The following MAX variants were observed in gnomAD, a reference collection of about 807,000 sequenced individuals.
The protein encoded by MAX is protein max.
Under a neutral mutation model 22.3 loss-of-function variants are expected in MAX, and 3 were observed. The observed-to-expected ratio is 0.13, with a 90% CI of 0.06 to 0.35. MAX has a LOEUF of 0.35. Ranked by LOEUF, MAX falls within the 10% of genes least tolerant of loss-of-function variation. The pLI is 1.00. For missense variants in MAX, 119 were observed against 209.4 expected (o/e 0.57, Z 2.66); for synonymous variants, 72 against 77.7 (o/e 0.93, Z 0.39).
chr14:65,068,436 AAAC>A (rs754272435), intron 3 of MAX, among the ~76,000 whole-genome samples: 1 of 152,178 alleles, frequency 6.6e-6, no homozygotes, highest in South Asian at 2.1e-4. Flanking sequence ...CTCTGTCTCA[AAAC>A]AACAAACAGA....
downstream of MAX, among the ~76,000 whole-genome samples, chr14:65,072,557 T>G (rs1178309537): frequency 6.6e-6 from 1 of 152,092 alleles, no homozygotes; most frequent in Non-Finnish European, 1.5e-5. Flanking sequence ...CAAACCTGAG[T>G]GACTTGAGGA....
chr14:65,083,677 G>A, intron 3 of MAX: 17 of 1,003,208 alleles, frequency 1.7e-5, no homozygotes, highest in Non-Finnish European at 2.0e-5. Flanking sequence ...TGATGTTACA[G>A]CTGTCTTGTT....
chr14:65,040,672 G>T, intron 3 of MAX: 2 of 897,228 alleles, frequency 2.2e-6, no homozygotes, highest in Non-Finnish European at 2.9e-6. Flanking sequence ...TTCATTCATA[G>T]TTGTGATGGT....
At chr14:65,015,788 C>T (rs974923360) in intron 3 of MAX, 31 of 1,555,906 alleles carry the variant, frequency 2.0e-5, no homozygotes, top group Non-Finnish European at 2.6e-5. Flanking sequence ...TGTTTTGTTT[C>T]TGTTTTGTTT....
chr14:65,099,644 T>G (rs1033733904), intron 2 of MAX, among the ~76,000 whole-genome samples: 1 of 152,088 alleles, frequency 6.6e-6, no homozygotes, highest in African/African-American at 2.4e-5. Context: ...TAAACGATCC[T>G]TACCCTCCAG....
chr14:65,020,789 T>G (rs1030602359), intron 3 of MAX, among the ~76,000 whole-genome samples: 1 of 142,112 alleles, frequency 7.0e-6, no homozygotes, highest in African/African-American at 2.6e-5. Context: ...TGTAGTGCAG[T>G]GGCATGATCT....
intron 3 of MAX, among the ~76,000 whole-genome samples, chr14:65,013,447 G>C (rs566215773): frequency 7.2e-5 from 11 of 152,250 alleles, no homozygotes; most frequent in Non-Finnish European, 1.0e-4. Context: ...TGGCCTGTGG[G>C]CTATGAATTT....
intron 2 of MAX, among the ~76,000 whole-genome samples, chr14:65,097,058 G>C (rs926319352): frequency 6.6e-6 from 1 of 152,088 alleles, no homozygotes; most frequent in Admixed American, 6.5e-5. Flanking sequence ...AGAAACTCCC[G>C]CACCAAATCA....
intron 3 of MAX, among the ~76,000 whole-genome samples, chr14:65,050,729 T>C (rs899343617): frequency 6.6e-6 from 1 of 152,258 alleles, no homozygotes; most frequent in African/African-American, 2.4e-5. Context: ...AGAGCAGGGC[T>C]ACTCCACAGG....
intron 3 of MAX, among the ~76,000 whole-genome samples, chr14:65,089,688 T>G (rs981268348): frequency 1.4e-5 from 2 of 142,184 alleles, no homozygotes; most frequent in African/African-American, 5.2e-5. Context: ...AGTGAACCAT[T>G]GTGTAACACT....
Position 65,077,006 on chromosome 14 carries a change from C to T in MAX, c.296-343G>A. The T allele has an allele frequency of 1.8e-6, 1 of 541,514 alleles. No homozygotes were observed. Among genetic ancestry groups the T allele is most frequent in the Non-Finnish European group, 3.3e-6 (1 of 302,534 alleles). The allele number at this position is 541,514 out of a possible 1,614,324, so 33.5% of individuals were successfully genotyped here. On this transcript the variant is annotated intron_variant, in intron 4 of 4. Coordinates refer to ENST00000358664, the MANE Select transcript of MAX (RefSeq NM_002382.5). This position sits in a 1 kb window ranked among gnomAD's most constrained non-coding sequence, Gnocchi z 6.3. ...AGTGCAATAACAGAGGAGAAGCTGG[C>T]CCAGGAGCATGAGGCTCCACAAGGT...
chr14:65,061,988 TG>T (rs2062873429), intron 3 of MAX: 1 of 152,544 alleles, frequency 6.6e-6, no homozygotes. Context: ...CAGCCCCAGG[TG>T]TGGTGACTTA....
chr14:65,066,880 C>A (rs867741572), intron 3 of MAX, among the ~76,000 whole-genome samples: 2,144 of 103,666 alleles, frequency 0.021, 29 homozygotes, highest in Non-Finnish European at 0.028. Flanking sequence ...AAAAAAAAAA[C>A]AATGTATTTT....
downstream of MAX, among the ~76,000 whole-genome samples, chr14:65,072,207 C>A (rs757741293): frequency 2.0e-5 from 3 of 152,194 alleles, no homozygotes; most frequent in Non-Finnish European, 4.4e-5. Flanking sequence ...ATAAAACCTG[C>A]CTGGGGACCA....
Position 65,084,207 on chromosome 14 carries a change from C to A in MAX, c.172-6171G>T. The A allele has an allele frequency of 6.2e-7, 1 of 1,613,996 alleles. No individual in the cohort carries two copies. The highest frequency in any genetic ancestry group is 8.5e-7 in the Non-Finnish European group (1 of 1,179,944). On this transcript the variant is annotated intron_variant, in intron 3 of 4. Transcript: ENST00000358664. This position sits in a 1 kb window ranked among gnomAD's most constrained non-coding sequence, Gnocchi z 4.3. ...AAATCTTGCATTCTTTTTTCTTGTG[C>A]ACTTGGTAGCTTGAAATGAAGGTGT...
In MAX at chr14:65,044,555, T is replaced by C. The variant is rs557967841; in HGVS notation, c.172-38271A>G. 3.2e-4 allele frequency: 465 copies of C among 1,471,122 alleles called. 1 individual carries two copies. The highest frequency in any genetic ancestry group is 2.5e-3 in the Middle Eastern group (14 of 5,566). The allele number at this position is 1,471,122 out of a possible 1,614,324, so 91.1% of individuals were successfully genotyped here. A position where few individuals can be genotyped will look rare whatever the true frequency, so the allele number is the denominator to read the frequency against. Reference sequence around the variant, plus strand: ...GGGTTGAAATGAGCTCTGTCTATCCTGGATTTTGAGTGCCCAGTGTGGAAC... The same window carrying C: ...GGGTTGAAATGAGCTCTGTCTATCCCGGATTTTGAGTGCCCAGTGTGGAAC... On this transcript the variant is annotated intron_variant, in intron 3 of 3. Coordinates refer to the MAX transcript ENST00000341653. This position sits in a 1 kb window ranked among gnomAD's most constrained non-coding sequence, Gnocchi z 5.5.
In MAX at chr14:65,078,985, A is replaced by T. The variant is rs557971284; in HGVS notation, c.172-949T>A. On this transcript the variant is annotated intron_variant, in intron 3 of 4. Coordinates refer to ENST00000358664, the MANE Select transcript of MAX (RefSeq NM_002382.5). The surrounding 1 kb of genome is among the most constrained non-coding windows in gnomAD (Gnocchi z 6.4). Reference sequence around the variant, plus strand: ...GCACAGTAGCATGGCCTGGCTTTAAACTCAGAGCCATCCGACTCCTGAACT... The same window carrying T: ...GCACAGTAGCATGGCCTGGCTTTAATCTCAGAGCCATCCGACTCCTGAACT... 3.3e-5 allele frequency among the ~76,000 whole-genome samples: 5 copies of T among 152,112 alleles called. No individual in the cohort carries two copies. The highest frequency in any genetic ancestry group is 2.1e-4 in the South Asian group (1 of 4,816).
At chr14:65,045,985 T>A (rs2062468147) in intron 3 of MAX, among the ~76,000 whole-genome samples, 1 of 152,166 alleles carries the variant, frequency 6.6e-6, no homozygotes. Flanking sequence ...ACATTTTTTA[T>A]TTTAGTATTA....
In MAX at chr14:65,054,686, T is replaced by C; in HGVS notation, c.171+39022A>G. On this transcript the variant is annotated intron_variant, in intron 3 of 3. Coordinates refer to the MAX transcript ENST00000341653. The surrounding 1 kb of genome is among the most constrained non-coding windows in gnomAD (Gnocchi z 4.4). ...TGGTCCTGGGTGTGCCCGAAAACGC[T>C]CTGGTAAGACGGGTGCAGGGCTTCA... 3.7e-6 allele frequency: 6 copies of C among 1,607,992 alleles called. No homozygotes were observed. Among genetic ancestry groups the C allele is most frequent in the Non-Finnish European group, 4.2e-6 (5 of 1,177,216 alleles).
Sources: gnomAD v4.1 joint callset for allele counts (sites outside exome capture counted in the v4.1 genomes callset) on GRCh38, gnomAD v4.1.1 for gene constraint, Gnocchi (gnomAD v3.1) non-coding constraint, MANE v1.5 for transcripts, NCBI Gene and HGNC (gene_info 2026-07-23, HGNC 2026-07-21) for gene names.